The following NIF3L1 variants were observed in gnomAD, a reference collection of about 807,000 sequenced individuals.
The protein encoded by NIF3L1 is NIF3-like protein 1.
In NIF3L1, 26 loss-of-function variants were observed where a neutral mutation model predicts 35.0. The ratio of observed to expected loss-of-function variants is 0.74; its 90% CI spans 0.54 to 1.03. The LOEUF is 1.03. NIF3L1 is among the 50% of genes least tolerant of loss of function. The pLI is 0.00. For synonymous variants in NIF3L1, 157 were observed against 178.9 expected (o/e 0.88, Z 0.98); for missense variants, 449 against 466.3 (o/e 0.96, Z 0.34).
At chr2:200,893,992 TG>T (rs902558717) in intron 3 of NIF3L1, among the ~76,000 whole-genome samples, 13 of 152,060 alleles carry the variant, frequency 8.5e-5, no homozygotes, top group Admixed American at 7.2e-4. Flanking sequence ...CTGACTAACA[TG>T]GAGAAACCTC....
intron 4 of NIF3L1, among the ~76,000 whole-genome samples, chr2:200,895,829 T>C (rs1316136565): frequency 6.6e-6 from 1 of 152,226 alleles, no homozygotes; most frequent in Non-Finnish European, 1.5e-5. Flanking sequence ...ATGATTTCTA[T>C]CTTTACTTTT....
At chr2:200,901,223 T>C (rs1295161612) in intron 6 of NIF3L1, among the ~76,000 whole-genome samples, 1 of 152,226 alleles carries the variant, frequency 6.6e-6, no homozygotes, top group Non-Finnish European at 1.5e-5. Context: ...TTCTGATCCA[T>C]ATCCAGCCAA....
rs1238941300 is a variant in NIF3L1, at chr2:200,895,307, CAG to C, written c.645_646del (p.Lys216GlyfsTer42). The C allele has an allele frequency of 6.2e-7, 1 of 1,613,934 alleles. No homozygotes were observed. The highest frequency in any genetic ancestry group is 2.2e-5 in the East Asian group (1 of 44,852). On this transcript the variant is annotated frameshift_variant, in exon 4 of 7. Coordinates refer to ENST00000409020, the MANE Select transcript of NIF3L1 (RefSeq NM_001369441.2). LOFTEE classifies it high-confidence loss of function. ...AACACGGATTAATCTGAATTGTACT[CAG>C]AAGGCTTTGATGCAGGTGGTAGATT... ...EQTRINLNCT[Q>X]KALMQVVDFL...
intron 6 of NIF3L1, among the ~76,000 whole-genome samples, chr2:200,901,936 C>T (rs2040414850): frequency 1.3e-5 from 2 of 152,066 alleles, no homozygotes; most frequent in South Asian, 4.1e-4. Context: ...CTTTTTCTTG[C>T]TTTTTACTTC....
rs1435235297 is a variant in NIF3L1, at chr2:200,895,342, C to T, written c.678C>T (p.Ser226=). 1 of 1,613,896 alleles carries T rather than the reference C, an allele frequency of 6.2e-7. No homozygotes were observed. Residue 226 remains serine (S), a synonymous_variant, in exon 4 of 7, where the codon TCC becomes TCT. Transcript: ENST00000409020. Reference sequence around the variant, plus strand: ...TGATGCAGGTGGTAGATTTTCTTTCCCGGAACAAACAACTTTATCAGAAGA... The same window carrying T: ...TGATGCAGGTGGTAGATTTTCTTTCTCGGAACAAACAACTTTATCAGAAGA... ...KALMQVVDFL[S]RNKQLYQKTE... is the part of the protein sequence containing the mutation.
At chr2:200,901,626 T>C (rs2040411203) in intron 6 of NIF3L1, among the ~76,000 whole-genome samples, 1 of 152,236 alleles carries the variant, frequency 6.6e-6, no homozygotes, top group Non-Finnish European at 1.5e-5. Context: ...CCTGTGAGCC[T>C]GAGGCCGTGT....
Position 200,892,368 on chromosome 2 carries a change from C to T in NIF3L1, c.425C>T (p.Ala142Val), listed in dbSNP as rs749238073. ...CCCCAGGGCGTCAACAACTGGTTGGCTAAAGGGCTTGGTGAGAAGCCTCTT... is the reference window on the plus strand; with the variant it reads ...CCCCAGGGCGTCAACAACTGGTTGGTTAAAGGGCTTGGTGAGAAGCCTCTT... ...AAPQGVNNWL[A>V]KGLGACTSRP... Residue 142 changes from alanine (A) to valine (V), a missense_variant, in exon 2 of 7, where the codon GCT becomes GTT. Transcript: ENST00000409020. 4 of 1,593,006 alleles carry T rather than the reference C, an allele frequency of 2.5e-6. No homozygotes were observed. The highest frequency in any genetic ancestry group is 3.4e-6 in the Non-Finnish European group (4 of 1,171,290).
chr2:200,896,995 C>G (rs2040327251), intron 4 of NIF3L1, 81 bp from the exon 5 acceptor site: 1 of 1,343,354 alleles, frequency 7.4e-7, no homozygotes, highest in Non-Finnish European at 1.0e-6. Context: ...AGTAATCTCA[C>G]AGTGTGCATG....
chr2:200,895,641 G>T (rs2040293709), intron 4 of NIF3L1, among the ~76,000 whole-genome samples: 1 of 152,114 alleles, frequency 6.6e-6, no homozygotes, highest in South Asian at 2.1e-4. Flanking sequence ...GTACAAAATG[G>T]CAATGAGAGC....
At chr2:200,898,402 G>A (rs1304235204) in intron 5 of NIF3L1, among the ~76,000 whole-genome samples, 2 of 152,100 alleles carry the variant, frequency 1.3e-5, no homozygotes, top group South Asian at 2.1e-4. Flanking sequence ...TGAGACTCAC[G>A]CATTATCACA....
rs538954962 is a variant in NIF3L1, at chr2:200,890,088, T to C, written c.-27+436T>C. Reference sequence around the variant, plus strand: ...GAAGATCTTTCAAGGCCGGACGCAGTGGCTCACCCCTGTAATCCCGGTACT... The same window carrying C: ...GAAGATCTTTCAAGGCCGGACGCAGCGGCTCACCCCTGTAATCCCGGTACT... On this transcript the variant is annotated intron_variant, in intron 1 of 6. Coordinates refer to ENST00000409020, the MANE Select transcript of NIF3L1 (RefSeq NM_001369441.2). Among the ~76,000 whole-genome samples, 66 of 152,312 alleles carry C rather than the reference T, an allele frequency of 4.3e-4. 1 individual carries two copies. Among genetic ancestry groups the C allele is most frequent in the African/African-American group, 1.5e-3 (64 of 41,580 alleles).
chr2:200,895,462 A>G, intron 4 of NIF3L1, 72 bp downstream of exon 4: 1 of 1,485,060 alleles, frequency 6.7e-7, no homozygotes, highest in Non-Finnish European at 9.4e-7. Context: ...TTGAGGTATA[A>G]TTGATATACT....
At chr2:200,895,479 T>C in intron 4 of NIF3L1, 89 bp downstream of exon 4, 4 of 1,290,448 alleles carry the variant, frequency 3.1e-6, no homozygotes, top group South Asian at 2.5e-5. Context: ...TACTTAGGTA[T>C]ATTGAGGTAT....
At chr2:200,900,685 C>T (rs192552920) in intron 6 of NIF3L1, among the ~76,000 whole-genome samples, 4 of 152,248 alleles carry the variant, frequency 2.6e-5, no homozygotes, top group Admixed American at 1.3e-4. Flanking sequence ...TTTATATTTT[C>T]TGAAGATAAA....
intron 6 of NIF3L1, among the ~76,000 whole-genome samples, chr2:200,902,441 G>A (rs2040423976): frequency 6.6e-6 from 1 of 152,088 alleles, no homozygotes; most frequent in Non-Finnish European, 1.5e-5. Context: ...GGTGGTGGGT[G>A]CCTGTCATTC....
At position 200,891,978 on chromosome 2, in the gene NIF3L1, C is replaced by T; in HGVS notation, c.35C>T (p.Thr12Ile). 6.2e-7 allele frequency: 1 copy of T among 1,613,834 alleles called. No individual in the cohort carries two copies. Among genetic ancestry groups the T allele is most frequent in the South Asian group, 1.1e-5 (1 of 91,062 alleles). Residue 12 changes from threonine to isoleucine, a missense_variant, in exon 2 of 7, where the codon ACA (threonine) becomes ATA (isoleucine). Transcript: ENST00000409020. ...LSSCVRPVPT[T>I]VRFVDSLICN... ...TCTTGCGTACGCCCAGTCCCCACGA[C>T]AGTCCGGTTTGTAGATTCCCTGATC...
intron 5 of NIF3L1, among the ~76,000 whole-genome samples, chr2:200,898,414 G>A (rs983116263): frequency 3.3e-5 from 5 of 152,108 alleles, no homozygotes; most frequent in African/African-American, 4.8e-5. Flanking sequence ...ATTATCACAA[G>A]AACAGCATGG....
At position 200,899,473 on chromosome 2, in the gene NIF3L1, G is replaced by T; in HGVS notation, c.949+5G>T. 6.2e-7 allele frequency: 1 copy of T among 1,612,656 alleles called. No homozygotes were observed. Among genetic ancestry groups the T allele is most frequent in the Non-Finnish European group, 8.5e-7 (1 of 1,178,816 alleles). On this transcript the variant is annotated splice_donor_5th_base_variant and intron_variant, in intron 6 of 6. Transcript: ENST00000409020. ...AGGCTGACCTTTACCTCACAGGTAG[G>T]ACAGACTTTGGATCTCTCTTGGTTT...
In NIF3L1 at chr2:200,903,753, G is replaced by T. The variant is rs1316043581; in HGVS notation, c.*75G>T. 2.5e-6 allele frequency: 3 copies of T among 1,179,324 alleles called. No individual in the cohort carries two copies. The highest frequency in any genetic ancestry group is 1.5e-5 in the African/African-American group (1 of 66,026). 73.1% of individuals were successfully genotyped at this position (1,179,324 alleles called of 1,614,324 possible). A position where few individuals can be genotyped will look rare whatever the true frequency, so the allele number is the denominator to read the frequency against. The stretch of plus-strand genomic sequence containing the variant: ...TTAAATTTGTAACATGAGTCAGTGG[G>T]ACTGGTGTGCTTCCAGAGAGTGTCT... On this transcript the variant is annotated 3_prime_UTR_variant, in exon 7 of 7. Coordinates refer to ENST00000409020, the MANE Select transcript of NIF3L1 (RefSeq NM_001369441.2).
Sources: gnomAD v4.1 joint callset for allele counts (sites outside exome capture counted in the v4.1 genomes callset) on GRCh38, gnomAD v4.1.1 for gene constraint, MANE v1.5 for transcripts, NCBI Gene and HGNC (gene_info 2026-07-23, HGNC 2026-07-21) for gene names.